The following EFR3B variants were observed in gnomAD, a reference collection of about 807,000 sequenced individuals.
EFR3B encodes the protein EFR3 homolog B.
EFR3B carries 64 observed loss-of-function variants against 104.7 expected under a neutral mutation model. The ratio of observed to expected loss-of-function variants is 0.61; its 90% CI spans 0.50 to 0.75. The LOEUF (loss-of-function observed/expected upper bound fraction) is 0.75. Ranked by LOEUF, EFR3B falls within the 30% of genes least tolerant of loss-of-function variation. The pLI, the probability that EFR3B is intolerant of heterozygous loss-of-function variation, is 0.00. For missense variants in EFR3B, 750 were observed against 1,078.5 expected (o/e 0.70, Z 4.27); for synonymous variants, 385 against 417.9 (o/e 0.92, Z 0.96).
At chr2:25,107,262 C>T (rs1337736736) in intron 4 of EFR3B, among the ~76,000 whole-genome samples, 1 of 152,124 alleles carries the variant, frequency 6.6e-6, no homozygotes, top group Middle Eastern at 3.2e-3. Context: ...ACAAGGCAAC[C>T]CCCGGCCTTG....
chr2:25,145,100 G>C, intron 19 of EFR3B, 49 bp downstream of exon 19: 1 of 1,505,268 alleles, frequency 6.6e-7, no homozygotes, highest in Non-Finnish European at 9.1e-7. Flanking sequence ...CCTGTAGATT[G>C]GACGCTGGAC....
At chr2:25,119,820 C>T (rs757771420) in intron 4 of EFR3B, among the ~76,000 whole-genome samples, 3 of 152,146 alleles carry the variant, frequency 2.0e-5, no homozygotes, top group African/African-American at 4.8e-5. Flanking sequence ...TGCTAATTTT[C>T]ATCCAGAAAA....
chr2:25,114,940 C>G lies in EFR3B; in HGVS notation c.364-6733C>G, dbSNP rs1669818442. On this transcript the variant is annotated intron_variant, in intron 4 of 22. Coordinates refer to ENST00000403714, the MANE Select transcript of EFR3B (RefSeq NM_014971.2). This position sits in a 1 kb window ranked among gnomAD's most constrained non-coding sequence, Gnocchi z 4.0. ...GTGGCTGACGCCTGTAATCCCAGCACTTTGGGAAGCCAAGCTGGGTGGATC... is the reference window on the plus strand; with the variant it reads ...GTGGCTGACGCCTGTAATCCCAGCAGTTTGGGAAGCCAAGCTGGGTGGATC... 6.6e-6 allele frequency among the ~76,000 whole-genome samples: 1 copy of G among 152,212 alleles called. No homozygotes were observed. The highest frequency in any genetic ancestry group is 2.4e-5 in the African/African-American group (1 of 41,454).
chr2:25,134,887 T>G (rs1670477885), intron 12 of EFR3B, among the ~76,000 whole-genome samples: 1 of 152,244 alleles, frequency 6.6e-6, no homozygotes, highest in Non-Finnish European at 1.5e-5. Flanking sequence ...TAAAGGTGCT[T>G]TGCTGCATTT....
At position 25,152,012 on chromosome 2, in the gene EFR3B, G is replaced by T; in HGVS notation, c.2290G>T (p.Gly764Trp). The T allele has an allele frequency of 1.9e-6, 3 of 1,551,620 alleles. No homozygotes were observed. The South Asian group carries it at 3.6e-5, about 18-fold the overall frequency. ...CTTCGAGGAGATTGCTGCACACTGC[G>T]GGGCCCGGGTAAGTGAAGCATGACA... ...APFEEIAAHC[G>W]ARASLLQSKL... The change falls in exon 21 of 23, where the codon GGG (glycine) becomes TGG (tryptophan). Residue 764 changes from glycine to tryptophan, a missense_variant. Coordinates refer to ENST00000403714, the MANE Select transcript of EFR3B (RefSeq NM_014971.2).
chr2:25,084,788 A>G (rs1318341997), intron 1 of EFR3B, among the ~76,000 whole-genome samples: 1 of 152,254 alleles, frequency 6.6e-6, no homozygotes, highest in Non-Finnish European at 1.5e-5. Context: ...ATAGGTAGAT[A>G]AAAGAGAAAG....
intron 1 of EFR3B, among the ~76,000 whole-genome samples, chr2:25,063,355 A>C (rs554470967): frequency 6.6e-6 from 1 of 152,270 alleles, no homozygotes; most frequent in South Asian, 2.1e-4. Flanking sequence ...CCTGTTCCTT[A>C]ATAATGTGCT....
At chr2:25,107,406 A>G (rs1669595787) in intron 4 of EFR3B, among the ~76,000 whole-genome samples, 1 of 152,170 alleles carries the variant, frequency 6.6e-6, no homozygotes. Context: ...TTCAGAAACC[A>G]TACCCCCTTC....
chr2:25,118,979 A>T (rs1302264282), intron 4 of EFR3B, among the ~76,000 whole-genome samples: 1 of 151,718 alleles, frequency 6.6e-6, no homozygotes, highest in Admixed American at 6.6e-5. Context: ...AATTTTGGCC[A>T]TTCATTCTCC....
In EFR3B at chr2:25,131,960, G is replaced by C. The variant is rs1217668422; in HGVS notation, c.1147+49G>C. The C allele has an allele frequency of 3.2e-6, 4 of 1,267,344 alleles. No individual in the cohort carries two copies. Among genetic ancestry groups the C allele is most frequent in the Non-Finnish European group, 2.1e-6 (2 of 973,402 alleles). The allele number at this position is 1,267,344 out of a possible 1,614,324, so 78.5% of individuals were successfully genotyped here. On this transcript the variant is annotated intron_variant, in intron 10 of 22. Coordinates refer to ENST00000403714, the MANE Select transcript of EFR3B (RefSeq NM_014971.2). This position sits in a 1 kb window ranked among gnomAD's most constrained non-coding sequence, Gnocchi z 7.6. ...GCGGGGCGGGGCCGAGGCGCGGAGT[G>C]GGGAGGGGAGGGGAGGGACGGGACG...
intron 1 of EFR3B, among the ~76,000 whole-genome samples, chr2:25,078,761 G>C (rs1558592855): frequency 6.6e-6 from 1 of 152,224 alleles, no homozygotes; most frequent in Non-Finnish European, 1.5e-5. Context: ...CAGAAGTCGA[G>C]CTGGCAGAGA....
chr2:25,146,348 C>A (rs1670815744), intron 19 of EFR3B: 1 of 152,130 alleles, frequency 6.6e-6, no homozygotes, highest in African/African-American at 2.4e-5. Context: ...TCGACCACTT[C>A]ATTTATTGGG....
At chr2:25,133,893 G>A (rs889884112) in intron 12 of EFR3B, among the ~76,000 whole-genome samples, 2 of 152,150 alleles carry the variant, frequency 1.3e-5, no homozygotes, top group East Asian at 3.8e-4. Context: ...CATCTTTGCA[G>A]CCATCACTGG....
At chr2:25,125,623 A>G (rs7577562) in intron 5 of EFR3B, among the ~76,000 whole-genome samples, 51,644 of 151,914 alleles carry the variant, frequency 0.34, 9,666 homozygotes, top group East Asian at 0.53. Context: ...CCTCGGTAAG[A>G]CCCAGGGTAG....
intron 1 of EFR3B, among the ~76,000 whole-genome samples, chr2:25,087,618 A>C (rs536004563): frequency 6.6e-6 from 1 of 151,730 alleles, no homozygotes; most frequent in Non-Finnish European, 1.5e-5. Context: ...GACTACAGGC[A>C]CCCGCCACCA....
chr2:25,076,813 G>A (rs1417474876), intron 1 of EFR3B, among the ~76,000 whole-genome samples: 4 of 152,288 alleles, frequency 2.6e-5, no homozygotes, highest in Admixed American at 6.5e-5. Context: ...GGCCGGAAAC[G>A]GGTGAGTGTC....
rs551032820 is a variant in EFR3B, at chr2:25,136,538, C to T, written c.1500C>T (p.Ile500=). ...CCCTTCCCAGTACCCTCAGTGACAT[C>T]TCTGTCCTGAAGCTGAAAGTGGACA... ...KFSTISTLSD[I]SVLKLKVDKC... is the part of the protein sequence containing the mutation. The change falls in exon 14 of 23, where the codon ATC becomes ATT. Residue 500 remains isoleucine, a synonymous_variant. Coordinates refer to ENST00000403714, the MANE Select transcript of EFR3B (RefSeq NM_014971.2). This position sits in a 1 kb window ranked among gnomAD's most constrained non-coding sequence, Gnocchi z 4.0. 1 of 1,551,552 alleles carries T rather than the reference C, an allele frequency of 6.4e-7. No individual in the cohort carries two copies. The highest frequency in any genetic ancestry group is 8.7e-7 in the Non-Finnish European group (1 of 1,146,932).
chr2:25,048,995 T>C (rs1667795227), intron 1 of EFR3B, among the ~76,000 whole-genome samples: 1 of 152,194 alleles, frequency 6.6e-6, no homozygotes, highest in African/African-American at 2.4e-5. Context: ...GTATCCGTTG[T>C]ACTCCTACTA....
At chr2:25,083,157 A>G (rs1235541871) in intron 1 of EFR3B, among the ~76,000 whole-genome samples, 1 of 152,210 alleles carries the variant, frequency 6.6e-6, no homozygotes, top group East Asian at 1.9e-4. Context: ...TCCTTAAAAT[A>G]GGTATGAAAA....
Sources: allele counts gnomAD v4.1 joint callset (sites outside exome capture counted in the v4.1 genomes callset), GRCh38; gene constraint gnomAD v4.1.1; non-coding constraint Gnocchi (gnomAD v3.1); transcripts MANE v1.5; gene names NCBI Gene and HGNC (gene_info 2026-07-23, HGNC 2026-07-21).